Variants in RGS6 observed in about 807,000 individuals in gnomAD.
RGS6 encodes the protein regulator of G protein signaling 6.
In RGS6, 30 loss-of-function variants were observed where a neutral mutation model predicts 78.5. The observed-to-expected ratio is 0.38, with a 90% confidence interval of 0.29 to 0.52. The LOEUF (loss-of-function observed/expected upper bound fraction) is 0.52, where lower values mean the gene tolerates loss of function less well. Ranked by LOEUF, RGS6 falls within the 20% of genes least tolerant of loss-of-function variation. The probability of loss-of-function intolerance (pLI) is 0.85; values close to 1 mark genes in which losing one functional copy is unlikely to be tolerated. For synonymous variants in RGS6, 206 were observed against 206.0 expected (o/e 1.00, Z 0.00); for missense variants, 495 against 609.7 (o/e 0.81, Z 1.98).
At chr14:72,611,588 A>G in the RGS6 span, among the ~76,000 whole-genome samples, 1 of 152,144 alleles carries the variant, frequency 6.6e-6, no homozygotes, top group South Asian at 2.1e-4. Flanking sequence ...GCCTCTGATC[A>G]GGCCCTGCCA....
intron 2 of RGS6, among the ~76,000 whole-genome samples, chr14:72,018,809 A>G (rs1030673077): frequency 1.3e-5 from 2 of 152,108 alleles, no homozygotes; most frequent in Non-Finnish European, 2.9e-5. Context: ...TCACTCTCTA[A>G]GGGGAGTGAA....
chr14:72,228,622 A>T (rs1255568253), intron 2 of RGS6, among the ~76,000 whole-genome samples: 1 of 152,186 alleles, frequency 6.6e-6, no homozygotes, highest in African/African-American at 2.4e-5. Context: ...ATGAACTTGA[A>T]TCGAACATTG....
At chr14:72,279,039 C>A (rs967992149) in intron 2 of RGS6, among the ~76,000 whole-genome samples, 1 of 152,084 alleles carries the variant, frequency 6.6e-6, no homozygotes, top group Non-Finnish European at 1.5e-5. Flanking sequence ...ACCTTATCAT[C>A]GCTTAACCTT....
At chr14:72,538,207 T>C (rs554003399) in intron 16 of RGS6, among the ~76,000 whole-genome samples, 7 of 152,332 alleles carry the variant, frequency 4.6e-5, no homozygotes, top group African/African-American at 1.7e-4. Flanking sequence ...AGTATTCTTC[T>C]GATTTCAGGG....
intron 2 of RGS6, among the ~76,000 whole-genome samples, chr14:72,199,656 G>C (rs1339823442): frequency 6.6e-6 from 1 of 152,186 alleles, no homozygotes. Flanking sequence ...CCCTCAGTAG[G>C]TGGCTGTTCC....
chr14:71,982,275 C>T (rs562788935), intron 2 of RGS6, among the ~76,000 whole-genome samples: 68 of 152,350 alleles, frequency 4.5e-4, no homozygotes, highest in African/African-American at 1.6e-3. Context: ...GAGCTGTAGA[C>T]TGGAGCTGTT....
intron 3 of RGS6, among the ~76,000 whole-genome samples, chr14:72,408,205 C>G (rs1187575861): frequency 6.6e-6 from 1 of 152,212 alleles, no homozygotes; most frequent in Non-Finnish European, 1.5e-5. Flanking sequence ...GACTTGCACT[C>G]AGCAGTTTTA....
chr14:72,548,805 A>G (rs2097451352), intron 17 of RGS6, among the ~76,000 whole-genome samples: 2 of 152,216 alleles, frequency 1.3e-5, no homozygotes, highest in Admixed American at 1.3e-4. Context: ...GGCTAGAACA[A>G]ATGGCTAGAA....
rs1332442362 is a variant in RGS6, at chr14:72,537,566, C to T, written c.1368+1291C>T. 6 of 702,226 alleles carry T rather than the reference C, an allele frequency of 8.5e-6. No individual in the cohort carries two copies. In the African/African-American group the frequency reaches 1.0e-4, roughly 12 times the overall value. 43.5% of individuals were successfully genotyped at this position (702,226 alleles called of 1,614,324 possible). On this transcript the variant is annotated intron_variant, in intron 16 of 17. Coordinates refer to ENST00000553525, the MANE Select transcript of RGS6 (RefSeq NM_001204424.2). ...GTGGAGCCTGGCCTCCTGTCGATTC[C>T]CCTGCTGGAGGATGCCAATGGAGGG...
intron 2 of RGS6, among the ~76,000 whole-genome samples, chr14:71,973,343 A>G (rs1329940239): frequency 6.6e-6 from 1 of 151,868 alleles, no homozygotes; most frequent in African/African-American, 2.4e-5. Context: ...TTTGGTCTTC[A>G]GCACTTAGGG....
chr14:71,965,446 G>A (rs1000776712), intron 2 of RGS6, among the ~76,000 whole-genome samples: 6 of 152,196 alleles, frequency 3.9e-5, no homozygotes, highest in Non-Finnish European at 8.8e-5. Flanking sequence ...TAAAATATGT[G>A]CAGGATTGCT....
At chr14:72,145,551 T>C (rs760282610) in intron 2 of RGS6, among the ~76,000 whole-genome samples, 11 of 152,214 alleles carry the variant, frequency 7.2e-5, no homozygotes, top group Non-Finnish European at 1.5e-4. Context: ...CCATCTCAGC[T>C]TACTGCAACC....
At chr14:72,449,616 C>T (rs1467543008) in intron 3 of RGS6, among the ~76,000 whole-genome samples, 1 of 152,216 alleles carries the variant, frequency 6.6e-6, no homozygotes, top group Non-Finnish European at 1.5e-5. Flanking sequence ...CATGGAAAGG[C>T]ACCAGGAAAA....
At chr14:72,381,438 TAAATA>T (rs976762168) in intron 3 of RGS6, among the ~76,000 whole-genome samples, 28 of 152,208 alleles carry the variant, frequency 1.8e-4, no homozygotes, top group East Asian at 3.9e-4. Context: ...ATCAATTTTT[TAAATA>T]AAATAAAACA....
intron 2 of RGS6, among the ~76,000 whole-genome samples, chr14:72,292,486 G>T (rs1014323499): frequency 2.0e-5 from 3 of 152,226 alleles, no homozygotes; most frequent in African/African-American, 7.2e-5. Context: ...ACTCATATCT[G>T]CAGACTAGAG....
rs756861891 is a variant in RGS6, at chr14:72,495,281, T to G, written c.965+19T>G. 6.8e-7 allele frequency: 1 copy of G among 1,471,178 alleles called. No individual in the cohort carries two copies. The highest frequency in any genetic ancestry group is 2.3e-5 in the East Asian group (1 of 44,258). The allele number at this position is 1,471,178 out of a possible 1,614,324, so 91.1% of individuals were successfully genotyped here. A position where few individuals can be genotyped will look rare whatever the true frequency, so the allele number is the denominator to read the frequency against. ...AGATGAGGTAAAAAATGTTTTAAGG[T>G]TTGGGAGTGGGATGAATGTAGACAA... On this transcript the variant is annotated intron_variant, in intron 13 of 17. Transcript: ENST00000553525.
chr14:72,593,004 C>T, the RGS6 span, among the ~76,000 whole-genome samples: 1 of 152,166 alleles, frequency 6.6e-6, no homozygotes, highest in Admixed American at 6.5e-5. Context: ...CCAAGAGGGG[C>T]CACTTCGAGG....
At chr14:72,267,812 T>A (rs2059307524) in intron 2 of RGS6, among the ~76,000 whole-genome samples, 1 of 152,262 alleles carries the variant, frequency 6.6e-6, no homozygotes. Context: ...TGTATTTTAG[T>A]GATTCCTAAT....
At chr14:72,489,418 G>C (rs1425731608) in intron 12 of RGS6, among the ~76,000 whole-genome samples, 2 of 152,192 alleles carry the variant, frequency 1.3e-5, no homozygotes, top group African/African-American at 4.8e-5. Context: ...CCCTGTAGTG[G>C]GTTGAATAGT....
Sources: allele counts gnomAD v4.1 joint callset (sites outside exome capture counted in the v4.1 genomes callset), GRCh38; gene constraint gnomAD v4.1.1; transcripts MANE v1.5; gene names NCBI Gene and HGNC (gene_info 2026-07-23, HGNC 2026-07-21).